Variants in PPP1R1C observed in about 807,000 individuals in gnomAD.
PPP1R1C encodes protein phosphatase 1 regulatory subunit 1C.
A neutral mutation model predicts 17.4 loss-of-function variants in PPP1R1C; 15 were observed. That is an observed-to-expected ratio of 0.86 (90% CI 0.58 to 1.33). The LOEUF (loss-of-function observed/expected upper bound fraction) is 1.33, where lower values mean the gene tolerates loss of function less well. Ranked by LOEUF, PPP1R1C falls within the 40% of genes most tolerant of loss-of-function variation. PPP1R1C has a pLI of 0.00. For synonymous variants in PPP1R1C, 35 were observed against 43.1 expected (o/e 0.81, Z 0.73); for missense variants, 143 against 130.0 (o/e 1.10, Z -0.48).
intron 2 of PPP1R1C, among the ~76,000 whole-genome samples, chr2:182,046,141 T>TTCCTTCC (rs1451555306): frequency 1.6e-5 from 2 of 123,376 alleles, no homozygotes; most frequent in South Asian, 2.7e-4. Context: ...TCCTTCCTTC[T>TTCCTTCC]TCCTTCCTTT....
chr2:182,130,928 C>T (rs1488438914), downstream of PPP1R1C: 2 of 151,708 alleles, frequency 1.3e-5, no homozygotes, highest in East Asian at 1.9e-4. Context: ...ATAACAAGCT[C>T]GAGCTACACA....
rs781559140 is a variant in PPP1R1C, at chr2:182,063,734, C to T, written c.184C>T (p.Gln62Ter). The T allele has an allele frequency of 6.2e-6, 10 of 1,612,240 alleles. No homozygotes were observed. The Admixed American group carries it at 6.7e-5, about 11-fold the overall frequency. Residue 62 changes from glutamine (Q) to a stop codon, truncating the protein, a stop_gained, in exon 4 of 5, where the codon CAG becomes TAG. Coordinates refer to ENST00000682840, the MANE Select transcript of PPP1R1C (RefSeq NM_001080545.3). LOFTEE classifies it high-confidence loss of function. ...KRGPNTQGEL[Q>*]NASPKQRKQS... is the part of the protein sequence containing the mutation. ...ACTTTTTTCTCTTTCTCCACAGTTACAGAATGCATCCCCTAAGCAAAGGAA... is the reference window on the plus strand; with the variant it reads ...ACTTTTTTCTCTTTCTCCACAGTTATAGAATGCATCCCCTAAGCAAAGGAA...
chr2:182,001,678 G>C (rs989095697), intron 2 of PPP1R1C, among the ~76,000 whole-genome samples: 1 of 152,016 alleles, frequency 6.6e-6, no homozygotes, highest in African/African-American at 2.4e-5. Context: ...TAAACTATCA[G>C]GGAATAGTTA....
intron 2 of PPP1R1C, among the ~76,000 whole-genome samples, chr2:182,059,296 A>G (rs928599545): frequency 7.9e-5 from 12 of 152,258 alleles, no homozygotes; most frequent in Admixed American, 7.2e-4. Context: ...CAGAAAATTT[A>G]TAGTTTTTGA....
rs765619897 is a variant in PPP1R1C at position 181,967,308 on chromosome 2, A to G, written n.112-7911A>G. On this transcript the variant is annotated intron_variant and non_coding_transcript_variant, in intron 1 of 5. Transcript: ENST00000464264. This position sits in a 1 kb window ranked among gnomAD's most constrained non-coding sequence, Gnocchi z 5.5. ...CAATTTCATTTATTTCTGCTCTGAT[A>G]CCTGTGGGGTTTTTTTTCTTGTACT... 2.6e-5 allele frequency among the ~76,000 whole-genome samples: 4 copies of G among 151,738 alleles called. No homozygotes were observed. Among genetic ancestry groups the G allele is most frequent in the Admixed American group, 6.6e-5 (1 of 15,248 alleles).
intron 4 of PPP1R1C, among the ~76,000 whole-genome samples, chr2:182,098,190 A>G (rs1162416944): frequency 3.9e-5 from 6 of 152,256 alleles, no homozygotes; most frequent in African/African-American, 9.6e-5. Context: ...CTTTCCTTCT[A>G]GAAGATTTGT....
rs553640507 is a variant in PPP1R1C at position 181,975,069 on chromosome 2, C to T, written n.112-150C>T. The T allele has an allele frequency of 1.6e-4, 25 of 152,226 alleles. No individual in the cohort carries two copies. In the South Asian group the frequency reaches 5.0e-3, roughly 30 times the overall value. The allele number at this position is 152,226 out of a possible 1,614,324, so 9.4% of individuals were successfully genotyped here. A position where few individuals can be genotyped will look rare whatever the true frequency, so the allele number is the denominator to read the frequency against. On this transcript the variant is annotated intron_variant and non_coding_transcript_variant, in intron 1 of 5. Transcript: ENST00000464264. ...GGTTACAAGGCACTGACTTAAGGGACTCTTAAAACCCTGCTTTGAAAAATT... is the reference window on the plus strand; with the variant it reads ...GGTTACAAGGCACTGACTTAAGGGATTCTTAAAACCCTGCTTTGAAAAATT...
chr2:182,044,480 TC>T (rs1436282731), intron 2 of PPP1R1C, among the ~76,000 whole-genome samples: 1 of 152,200 alleles, frequency 6.6e-6, no homozygotes, highest in African/African-American at 2.4e-5. Flanking sequence ...AAATCTTTTC[TC>T]ATCTCCAGTC....
chr2:182,105,206 C>A (rs1048979322), intron 4 of PPP1R1C, among the ~76,000 whole-genome samples: 1 of 152,060 alleles, frequency 6.6e-6, no homozygotes, highest in East Asian at 1.9e-4. Context: ...TATGTAAAAT[C>A]AGCTGAGTTT....
intron 2 of PPP1R1C, among the ~76,000 whole-genome samples, chr2:182,055,794 CT>C (rs1353289251): frequency 2.6e-5 from 4 of 152,168 alleles, no homozygotes; most frequent in African/African-American, 9.7e-5. Context: ...CATTTTAAAA[CT>C]GCTTTGATGT....
At chr2:182,037,200 C>T (rs1358729635) in intron 2 of PPP1R1C, among the ~76,000 whole-genome samples, 1 of 152,176 alleles carries the variant, frequency 6.6e-6, no homozygotes, top group African/African-American at 2.4e-5. Context: ...AGGTTGTTGA[C>T]TCATATTTCT....
At chr2:182,120,179 C>G (rs1470363952), downstream of PPP1R1C, among the ~76,000 whole-genome samples, 1 of 152,108 alleles carries the variant, frequency 6.6e-6, no homozygotes, top group Non-Finnish European at 1.5e-5. Context: ...TTCCCCATTT[C>G]TTGTTTTTGC....
At chr2:182,078,802 G>A (rs1688389701) in intron 4 of PPP1R1C, among the ~76,000 whole-genome samples, 1 of 152,180 alleles carries the variant, frequency 6.6e-6, no homozygotes, top group South Asian at 2.1e-4. Context: ...TATATGTATA[G>A]TGCCCAATAT....
chr2:182,107,054 T>G (rs150585945), intron 4 of PPP1R1C, among the ~76,000 whole-genome samples: 2,285 of 152,340 alleles, frequency 0.015, 34 homozygotes, highest in South Asian at 0.059. Flanking sequence ...TAAAGTCACA[T>G]TTACAGATAC....
intron 2 of PPP1R1C, among the ~76,000 whole-genome samples, chr2:182,017,583 T>G (rs11894897): frequency 1.3e-5 from 2 of 152,102 alleles, no homozygotes; most frequent in East Asian, 3.8e-4. Flanking sequence ...ATTGAAATAA[T>G]TTTTCACTTA....
chr2:182,012,250 C>G (rs905666986), intron 2 of PPP1R1C, among the ~76,000 whole-genome samples: 28 of 151,912 alleles, frequency 1.8e-4, no homozygotes, highest in Admixed American at 6.6e-5. Flanking sequence ...TTATATCTCT[C>G]TTTAATAATA....
chr2:182,131,064 G>T (rs1448582298), downstream of PPP1R1C: 5 of 152,270 alleles, frequency 3.3e-5, no homozygotes, highest in Admixed American at 2.0e-4. Flanking sequence ...AATAGACATT[G>T]TCATCATAAA....
intron 1 of PPP1R1C, among the ~76,000 whole-genome samples, chr2:181,971,111 C>A (rs1260304063): frequency 6.6e-6 from 1 of 152,192 alleles, no homozygotes; most frequent in Non-Finnish European, 1.5e-5. Context: ...GTCTCCTTTA[C>A]TCTTCTGTTT....
intron 2 of PPP1R1C, among the ~76,000 whole-genome samples, chr2:182,024,069 A>T (rs1190458420): frequency 6.6e-6 from 1 of 152,234 alleles, no homozygotes; most frequent in East Asian, 1.9e-4. Flanking sequence ...CCCAACATAT[A>T]TTTAAACCAG....
Sources: gnomAD v4.1 joint callset for allele counts (sites outside exome capture counted in the v4.1 genomes callset) on GRCh38, gnomAD v4.1.1 for gene constraint, Gnocchi (gnomAD v3.1) non-coding constraint, MANE v1.5 for transcripts, NCBI Gene and HGNC (gene_info 2026-07-23, HGNC 2026-07-21) for gene names.